LRRC73: variants seen among roughly 807,000 people sequenced by gnomAD.
LRRC73 encodes the protein leucine-rich repeat-containing protein 73.
In LRRC73, 16 loss-of-function variants were observed where a neutral mutation model predicts 26.4. The ratio of observed to expected loss-of-function variants is 0.61; its 90% CI spans 0.41 to 0.92. LRRC73 has a LOEUF of 0.92. LRRC73 is among the 40% of genes least tolerant of loss of function. LRRC73 has a pLI of 0.00. For missense variants in LRRC73, 344 were observed against 416.3 expected, an observed-to-expected ratio of 0.83 and a Z score of 1.51; for synonymous variants, 210 against 179.8, an observed-to-expected ratio of 1.17 and a Z score of -1.34.
exon 6 of LRRC73, chr6:43,507,279 A>C: frequency 6.2e-7 from 1 of 1,613,956 alleles, no homozygotes; most frequent in Non-Finnish European, 8.5e-7. Flanking sequence ...CCTAGTCCTG[A>C]CGTCATTAGC....
At position 43,508,087 on chromosome 6, in the gene LRRC73, G is replaced by T. The variant is rs1007737974; in HGVS notation, c.557-161C>A. 5.9e-5 allele frequency among the ~76,000 whole-genome samples: 9 copies of T among 152,224 alleles called. No individual in the cohort carries two copies. In the East Asian group the frequency reaches 1.7e-3, roughly 29 times the overall value. ...GGATCATTGTGATTGGTGAGTGAAG[G>T]CACGAAGCAAGTTAGGCCCACGGGT... On this transcript the variant is annotated intron_variant, in intron 3 of 5. Transcript: ENST00000372441.
chr6:43,509,730 C>T (rs536210828), exon 1 of LRRC73: 2 of 1,589,046 alleles, frequency 1.3e-6, no homozygotes, highest in Non-Finnish European at 1.7e-6. Context: ...GCAGATGTCC[C>T]GCACCTCGGC....
chr6:43,508,207 A>G, intron 3 of LRRC73, 91 bp downstream of exon 3: 4 of 1,494,220 alleles, frequency 2.7e-6, no homozygotes, highest in Non-Finnish European at 3.6e-6. Flanking sequence ...TCCCTCTCCC[A>G]GTGTACGGGT....
exon 6 of LRRC73, chr6:43,506,986 T>C (rs1792502724): frequency 7.7e-6 from 4 of 519,810 alleles, no homozygotes; most frequent in Admixed American, 6.5e-5. Context: ...ATAAAATCTT[T>C]TCCGAGCCAG....
exon 1 of LRRC73, chr6:43,509,594 G>A (rs758458117): frequency 3.7e-6 from 6 of 1,608,398 alleles, no homozygotes; most frequent in Admixed American, 1.7e-5. Flanking sequence ...CGACGCCCAG[G>A]TTAAGGTTGA....
At chr6:43,507,896 G>A (rs1271375834) in exon 4 of LRRC73, 57 of 1,613,918 alleles carry the variant, frequency 3.5e-5, no homozygotes, top group Non-Finnish European at 4.8e-5. Context: ...AGAGGCCACA[G>A]CTACAGCCAG....
At chr6:43,508,387 C>T (rs868624734) in exon 3 of LRRC73, 1 of 1,613,642 alleles carries the variant, frequency 6.2e-7, no homozygotes, top group Non-Finnish European at 8.5e-7. Flanking sequence ...AGGGGTGATG[C>T]CAGGGTTGGC....
At chr6:43,507,877 G>A in exon 4 of LRRC73, 2 of 1,613,898 alleles carry the variant, frequency 1.2e-6, no homozygotes, top group Non-Finnish European at 8.5e-7. Flanking sequence ...GGACCTCTAG[G>A]GTACGACTAG....
exon 6 of LRRC73, chr6:43,507,178 C>G (rs1792515358): frequency 1.9e-6 from 3 of 1,582,242 alleles, no homozygotes; most frequent in African/African-American, 2.7e-5. Context: ...ACCCTGATAT[C>G]TGGGGCAAGG....
chr6:43,509,258 A>G (rs1044665522), intron 1 of LRRC73, among the ~76,000 whole-genome samples: 13 of 152,134 alleles, frequency 8.5e-5, no homozygotes, highest in African/African-American at 2.9e-4. Flanking sequence ...GTAAATGCAG[A>G]TGATTAGGTG....
intron 3 of LRRC73, 145 bp downstream of exon 3, chr6:43,508,153 G>A (rs960104520): frequency 2.4e-5 from 31 of 1,271,676 alleles, no homozygotes; most frequent in Admixed American, 8.3e-5. Context: ...CACCTGGTCC[G>A]CCACAAAGCT....
exon 5 of LRRC73, chr6:43,507,596 T>A: frequency 1.2e-6 from 2 of 1,614,054 alleles, no homozygotes; most frequent in Middle Eastern, 1.6e-4. Flanking sequence ...GATCTGTTGC[T>A]GCAGCTCTGG....
chr6:43,508,679 TG>T, intron 2 of LRRC73, 80 bp downstream of exon 2: 4 of 1,515,246 alleles, frequency 2.6e-6, no homozygotes, highest in Non-Finnish European at 3.6e-6. Flanking sequence ...ATCAGAGCTC[TG>T]GGGCCACACC....
exon 2 of LRRC73, chr6:43,508,823 T>G (rs1792582096): frequency 1.2e-6 from 2 of 1,613,028 alleles, no homozygotes; most frequent in Non-Finnish European, 8.5e-7. Flanking sequence ...TCACCCAGCA[T>G]GCAGTCCCCC....
intron 1 of LRRC73, among the ~76,000 whole-genome samples, 185 bp downstream of exon 1, chr6:43,509,329 G>T (rs1471886232): frequency 1.3e-5 from 2 of 152,216 alleles, no homozygotes; most frequent in Non-Finnish European, 2.9e-5. Context: ...GGCTAGGGTC[G>T]CGCGTGCAAA....
rs765788535 is a variant in LRRC73, at chr6:43,508,271, G to A, written c.556+27C>T. On this transcript the variant is annotated intron_variant, in intron 3 of 5. Transcript: ENST00000372441. ...TTGGATAGGGCATGAGGCAGTGACA[G>A]CCCAAGGGGGTATTCTTGAGCCTCA... 2.8e-5 allele frequency: 44 copies of A among 1,594,968 alleles called. No homozygotes were observed. In the East Asian group the frequency reaches 9.8e-4, roughly 36 times the overall value.
Position 43,508,833 on chromosome 6 carries a change from CA to C in LRRC73, c.359del (p.Leu120ArgfsTer27). 6.2e-7 allele frequency: 1 copy of C among 1,613,160 alleles called. No individual in the cohort carries two copies. The highest frequency in any genetic ancestry group is 8.5e-7 in the Non-Finnish European group (1 of 1,179,948). On this transcript the variant is annotated frameshift_variant, in exon 2 of 6. Coordinates refer to ENST00000372441, the Ensembl canonical transcript of LRRC73. LOFTEE classifies it high-confidence loss of function. ...CTTCATCACCCAGCATGCAGTCCCC[CA>C]GGTCCAGAGCCACGAGGGCAGGGTG...
intron 3 of LRRC73, 133 bp downstream of exon 3, chr6:43,508,165 T>C (rs779234992): frequency 2.1e-5 from 28 of 1,332,182 alleles, no homozygotes; most frequent in Non-Finnish European, 2.8e-5. Context: ...CACAAAGCTA[T>C]CTCCTTGACC....
exon 2 of LRRC73, chr6:43,508,801 T>G (rs1281962264): frequency 6.2e-7 from 1 of 1,612,938 alleles, no homozygotes; most frequent in South Asian, 1.1e-5. Context: ...ACAGATGAGG[T>G]TGATGGCTTC....
Sources: allele counts gnomAD v4.1 joint callset (sites outside exome capture counted in the v4.1 genomes callset), GRCh38; gene constraint gnomAD v4.1.1; transcripts MANE v1.5; gene names NCBI Gene and HGNC (gene_info 2026-07-23, HGNC 2026-07-21).